ADAMTSL1: variants seen among roughly 807,000 people sequenced by gnomAD.
ADAMTSL1 encodes the protein ADAMTS like 1, also known as ADAMTS-like protein 1.
In ADAMTSL1, 126 loss-of-function variants were observed where a neutral mutation model predicts 201.8. That is an observed-to-expected ratio of 0.62 (90% confidence interval 0.54 to 0.72). The LOEUF (loss-of-function observed/expected upper bound fraction) is 0.72. Ranked by LOEUF, ADAMTSL1 falls within the 30% of genes least tolerant of loss-of-function variation. ADAMTSL1 has a pLI of 0.00. For synonymous variants in ADAMTSL1, 1,121 were observed against 903.4 expected, an observed-to-expected ratio of 1.24 and a Z score of -4.32; for missense variants, 2,679 against 2,277.8, an observed-to-expected ratio of 1.18 and a Z score of -3.59.
At chr9:18,591,528 G>A (rs1174302912) in intron 4 of ADAMTSL1, among the ~76,000 whole-genome samples, 4 of 151,926 alleles carry the variant, frequency 2.6e-5, no homozygotes, top group African/African-American at 4.8e-5. Flanking sequence ...TGTTATTATC[G>A]ATAAGTAAGG....
chr9:17,978,212 TTGTA>T (rs1487223315), intron 1 of ADAMTSL1, among the ~76,000 whole-genome samples: 2 of 152,120 alleles, frequency 1.3e-5, no homozygotes, highest in Non-Finnish European at 2.9e-5. Flanking sequence ...TGAGTCTGTT[TTGTA>T]GGAGGCATAT....
intron 2 of ADAMTSL1, among the ~76,000 whole-genome samples, chr9:18,454,451 C>T (rs1820528458): frequency 6.6e-6 from 1 of 152,202 alleles, no homozygotes; most frequent in African/African-American, 2.4e-5. Context: ...CTCACAGACA[C>T]ACCCAGAAAT....
At chr9:18,589,323 T>A (rs1332220659) in intron 4 of ADAMTSL1, among the ~76,000 whole-genome samples, 1 of 152,206 alleles carries the variant, frequency 6.6e-6, no homozygotes, top group Non-Finnish European at 1.5e-5. Context: ...AAGGTATTTT[T>A]TCTTTAGTAG....
chr9:18,017,536 G>A (rs1038973868), intron 1 of ADAMTSL1, among the ~76,000 whole-genome samples: 1 of 151,850 alleles, frequency 6.6e-6, no homozygotes. Flanking sequence ...CCTATCTGTG[G>A]CACCTCTCTT....
rs533965276 is a variant in ADAMTSL1, at chr9:18,036,036, A to G, written c.88-127826A>G. Among the ~76,000 whole-genome samples, 3 of 152,268 alleles carry G rather than the reference A, an allele frequency of 2.0e-5. No individual in the cohort carries two copies. In the East Asian group the frequency reaches 5.8e-4, roughly 29 times the overall value. On this transcript the variant is annotated intron_variant, in intron 1 of 29. Coordinates refer to the ADAMTSL1 transcript ENST00000680146. The stretch of plus-strand genomic sequence containing the variant: ...ATGAGATGAGTGTTTTGTTCCAGGA[A>G]CACTGTGCTACACAAGGGATCTCAT...
intron 1 of ADAMTSL1, among the ~76,000 whole-genome samples, chr9:17,988,870 A>G (rs1288325879): frequency 2.0e-5 from 3 of 151,918 alleles, no homozygotes; most frequent in African/African-American, 4.8e-5. Flanking sequence ...GTGTTTCTCA[A>G]CTTGTTTTTT....
chr9:18,889,638 C>T lies in ADAMTSL1; in HGVS notation c.4533C>T (p.Pro1511=). Residue 1511 remains proline (P), a synonymous_variant, in exon 25 of 29, where the codon CCC becomes CCT. Coordinates refer to ENST00000380548, the MANE Select transcript of ADAMTSL1 (RefSeq NM_001040272.6). The stretch of plus-strand genomic sequence containing the variant: ...GTGGTAACCGGGGGGTTCAGCAGCC[C>T]CGCTTGAGGTGCCTGCTGAACAGCA... The part of the protein sequence containing the change: ...ASCGNRGVQQ[P]RLRCLLNSTE... The T allele has an allele frequency of 1.9e-6, 3 of 1,613,152 alleles. No individual in the cohort carries two copies. The highest frequency in any genetic ancestry group is 8.5e-7 in the Non-Finnish European group (1 of 1,179,578).
intron 4 of ADAMTSL1, among the ~76,000 whole-genome samples, chr9:18,614,880 A>G (rs1825602376): frequency 6.6e-6 from 1 of 152,048 alleles, no homozygotes; most frequent in South Asian, 2.1e-4. Context: ...AACACAAAGG[A>G]GCCCTTTATT....
chr9:18,117,446 G>A (rs1280858022), intron 1 of ADAMTSL1, among the ~76,000 whole-genome samples: 2 of 152,066 alleles, frequency 1.3e-5, no homozygotes, highest in African/African-American at 2.4e-5. Flanking sequence ...TGCATTAGCT[G>A]TTTCCAAGGA....
At chr9:18,654,691 T>A (rs553923850) in intron 7 of ADAMTSL1, among the ~76,000 whole-genome samples, 3 of 152,288 alleles carry the variant, frequency 2.0e-5, no homozygotes, top group East Asian at 3.9e-4. Flanking sequence ...AAAATAGTCT[T>A]AACAGCAGTT....
At chr9:18,228,842 GTTT>G (rs57580462) in intron 2 of ADAMTSL1, among the ~76,000 whole-genome samples, 3 of 139,944 alleles carry the variant, frequency 2.1e-5, no homozygotes, top group African/African-American at 5.2e-5. Flanking sequence ...GAGTTTTTTT[GTTT>G]TTTTTTTTTT....
chr9:17,972,726 G>C (rs1563926877), intron 1 of ADAMTSL1, among the ~76,000 whole-genome samples: 1 of 150,242 alleles, frequency 6.7e-6, no homozygotes, highest in Non-Finnish European at 1.5e-5. Flanking sequence ...CTAGATCCCT[G>C]AGGAATTGCC....
chr9:18,446,072 A>G (rs1015207176), intron 2 of ADAMTSL1, among the ~76,000 whole-genome samples: 2 of 152,116 alleles, frequency 1.3e-5, no homozygotes, highest in African/African-American at 2.4e-5. Flanking sequence ...TCATCCCAGA[A>G]CCCAAGATTT....
intron 2 of ADAMTSL1, among the ~76,000 whole-genome samples, chr9:18,314,953 C>T (rs959212233): frequency 4.6e-5 from 7 of 150,880 alleles, no homozygotes; most frequent in African/African-American, 1.7e-4. Context: ...CCCGCTACCA[C>T]GCCCGGCTAA....
chr9:18,817,492 C>G (rs1330528559), intron 21 of ADAMTSL1, among the ~76,000 whole-genome samples: 1 of 152,154 alleles, frequency 6.6e-6, no homozygotes, highest in Non-Finnish European at 1.5e-5. Flanking sequence ...GCCTTCCATA[C>G]AGATAGAATG....
chr9:18,287,656 C>CATAAATATATT (rs1554650494), intron 2 of ADAMTSL1, among the ~76,000 whole-genome samples: 1 of 131,142 alleles, frequency 7.6e-6, no homozygotes, highest in African/African-American at 3.1e-5. Context: ...TATACATATA[C>CATAAATATATT]ACATATATGT....
intron 20 of ADAMTSL1, among the ~76,000 whole-genome samples, chr9:18,810,327 A>C (rs1284174541): frequency 1.3e-5 from 2 of 152,210 alleles, no homozygotes; most frequent in Non-Finnish European, 2.9e-5. Flanking sequence ...CCTTGAACAC[A>C]GTTCTGATGA....
intron 2 of ADAMTSL1, among the ~76,000 whole-genome samples, chr9:18,431,386 T>A (rs1037769603): frequency 1.3e-5 from 2 of 152,168 alleles, no homozygotes; most frequent in Non-Finnish European, 2.9e-5. Flanking sequence ...TTTTCACAAG[T>A]CTCTCTTAGA....
intron 2 of ADAMTSL1, among the ~76,000 whole-genome samples, chr9:18,352,770 T>TTATG (rs1303403151): frequency 3.3e-5 from 5 of 152,206 alleles, no homozygotes; most frequent in Non-Finnish European, 7.3e-5. Context: ...AAATTAGAAG[T>TTATG]CATAAAAGGT....
Sources: gnomAD v4.1 joint callset for allele counts (sites outside exome capture counted in the v4.1 genomes callset) on GRCh38, gnomAD v4.1.1 for gene constraint, MANE v1.5 for transcripts, NCBI Gene and HGNC (gene_info 2026-07-23, HGNC 2026-07-21) for gene names.